The following CCDC91 variants were observed in gnomAD, a reference collection of about 807,000 sequenced individuals.
CCDC91 encodes the protein coiled-coil domain containing 91.
CCDC91 carries 48 observed loss-of-function variants against 63.2 expected under a neutral mutation model. The ratio of observed to expected loss-of-function variants is 0.76; its 90% CI spans 0.60 to 0.97. The LOEUF (loss-of-function observed/expected upper bound fraction) is 0.97. CCDC91 is among the 50% of genes least tolerant of loss of function. The probability of loss-of-function intolerance (pLI) is 0.00; values close to 1 mark genes in which losing one functional copy is unlikely to be tolerated. For synonymous variants in CCDC91, 167 were observed against 165.8 expected, an observed-to-expected ratio of 1.01 and a Z score of -0.06; for missense variants, 500 against 494.6, an observed-to-expected ratio of 1.01 and a Z score of -0.10.
chr12:28,339,762 T>C (rs1942280796), intron 6 of CCDC91, among the ~76,000 whole-genome samples: 1 of 152,032 alleles, frequency 6.6e-6, no homozygotes, highest in African/African-American at 2.4e-5. Flanking sequence ...TCTGGAGAAA[T>C]TTGAGCCCTG....
chr12:28,321,463 AT>A (rs1454170642), intron 6 of CCDC91, among the ~76,000 whole-genome samples: 1 of 151,890 alleles, frequency 6.6e-6, no homozygotes, highest in Non-Finnish European at 1.5e-5. Context: ...TATGGATTGA[AT>A]GGTTTCCCCC....
chr12:28,354,689 A>G (rs1943410045), intron 6 of CCDC91, among the ~76,000 whole-genome samples: 1 of 152,196 alleles, frequency 6.6e-6, no homozygotes, highest in African/African-American at 2.4e-5. Context: ...TGTGTTGAGA[A>G]GCTGTGTTAT....
intron 1 of CCDC91, among the ~76,000 whole-genome samples, chr12:28,194,460 G>T (rs1941564747): frequency 6.6e-6 from 1 of 152,184 alleles, no homozygotes; most frequent in African/African-American, 2.4e-5. Context: ...CAGAAGTTCA[G>T]ATGTGTCTGG....
chr12:28,267,777 TTAATATATAATTATATATAATTATATAG>T (rs1565699467), intron 3 of CCDC91, among the ~76,000 whole-genome samples: 2 of 72,822 alleles, frequency 2.7e-5, no homozygotes, highest in Non-Finnish European at 5.0e-5. Context: ...AATTATATTA[TTAATATATAATTATATATAATTATATAG>T]TAATATATAA....
At chr12:28,434,318 A>G (rs530964899) in intron 8 of CCDC91, among the ~76,000 whole-genome samples, 117 of 151,784 alleles carry the variant, frequency 7.7e-4, no homozygotes, top group African/African-American at 2.6e-3. Context: ...TAAAAAAATC[A>G]TGAATACCGA....
chr12:28,521,755 C>G (rs1190285218), intron 12 of CCDC91, among the ~76,000 whole-genome samples: 2 of 152,090 alleles, frequency 1.3e-5, no homozygotes, highest in East Asian at 1.9e-4. Flanking sequence ...CCATCAATAC[C>G]TAATTTACTA....
intron 1 of CCDC91, among the ~76,000 whole-genome samples, chr12:28,233,782 G>C (rs181885754): frequency 1.3e-5 from 2 of 150,512 alleles, no homozygotes; most frequent in African/African-American, 2.4e-5. Flanking sequence ...TTTTTTTTTC[G>C]TATTGTTAGA....
chr12:28,535,197 T>C (rs1942052547), intron 12 of CCDC91, among the ~76,000 whole-genome samples: 1 of 152,192 alleles, frequency 6.6e-6, no homozygotes, highest in Non-Finnish European at 1.5e-5. Context: ...CTGAATACTT[T>C]TAAACTCCTT....
At chr12:28,439,079 C>T (rs1297357773) in intron 8 of CCDC91, among the ~76,000 whole-genome samples, 3 of 152,070 alleles carry the variant, frequency 2.0e-5, no homozygotes, top group Non-Finnish European at 4.4e-5. Flanking sequence ...CTAATCACTC[C>T]CTTAAGTCAA....
At chr12:28,548,199 C>A (rs1943116269) in intron 12 of CCDC91, among the ~76,000 whole-genome samples, 1 of 152,012 alleles carries the variant, frequency 6.6e-6, no homozygotes, top group Non-Finnish European at 1.5e-5. Flanking sequence ...ATTAAAACAT[C>A]CTAATAAAAC....
intron 7 of CCDC91, among the ~76,000 whole-genome samples, chr12:28,389,448 A>C (rs1342555425): frequency 6.6e-6 from 1 of 152,052 alleles, no homozygotes. Flanking sequence ...CTCCCTTATC[A>C]CATCTTTGGC....
At chr12:28,402,520 A>ATTTTTTTTTTTTTTT (rs57398967) in intron 8 of CCDC91, among the ~76,000 whole-genome samples, 1 of 51,938 alleles carries the variant, frequency 1.9e-5, no homozygotes, top group Non-Finnish European at 3.4e-5. Flanking sequence ...AGTTCCAGGA[A>ATTTTTTTTTTTTTTT]TTTTTTTTTT....
intron 11 of CCDC91, among the ~76,000 whole-genome samples, chr12:28,457,491 A>G (rs1950107697): frequency 1.3e-5 from 2 of 149,102 alleles, no homozygotes; most frequent in Non-Finnish European, 3.0e-5. Flanking sequence ...CAACACAAAA[A>G]CATTGTGCAA....
intron 6 of CCDC91, among the ~76,000 whole-genome samples, chr12:28,311,474 T>C (rs1359303640): frequency 1.3e-5 from 2 of 151,970 alleles, no homozygotes; most frequent in Non-Finnish European, 2.9e-5. Context: ...GGCACTGCAT[T>C]GTTGCTGGGG....
intron 12 of CCDC91, among the ~76,000 whole-genome samples, chr12:28,517,801 CCT>C (rs1385470553): frequency 1.3e-5 from 2 of 151,748 alleles, no homozygotes; most frequent in Non-Finnish European, 2.9e-5. Context: ...ACCCTTTCCC[CCT>C]GAGTCCCGAA....
chr12:28,445,050 A>G (rs1461974028), intron 8 of CCDC91, among the ~76,000 whole-genome samples: 2 of 152,166 alleles, frequency 1.3e-5, no homozygotes, highest in Non-Finnish European at 1.5e-5. Flanking sequence ...AGAAATTTAA[A>G]ATGTTAGTCT....
At chr12:28,361,288 G>C (rs543965725) in intron 6 of CCDC91, among the ~76,000 whole-genome samples, 5 of 151,562 alleles carry the variant, frequency 3.3e-5, no homozygotes, top group African/African-American at 1.2e-4. Context: ...CCATTAACTC[G>C]TCATTTAGCA....
intron 12 of CCDC91, among the ~76,000 whole-genome samples, chr12:28,492,340 T>G (rs1952058121): frequency 6.6e-6 from 1 of 151,860 alleles, no homozygotes; most frequent in African/African-American, 2.4e-5. Context: ...TTAATAATGA[T>G]ACATATTTGT....
At chr12:28,257,700 A>G (rs1409091072) in intron 2 of CCDC91, among the ~76,000 whole-genome samples, 1 of 152,102 alleles carries the variant, frequency 6.6e-6, no homozygotes, top group Non-Finnish European at 1.5e-5. Flanking sequence ...GTATGTTTGT[A>G]TTGTTAGATT....
Sources: allele counts gnomAD v4.1 joint callset (sites outside exome capture counted in the v4.1 genomes callset), GRCh38; gene constraint gnomAD v4.1.1; transcripts MANE v1.5; gene names NCBI Gene and HGNC (gene_info 2026-07-23, HGNC 2026-07-21).